The following GALNTL6 variants were observed in gnomAD, a reference collection of about 807,000 sequenced individuals.
GALNTL6 encodes polypeptide N-acetylgalactosaminyltransferase-like 6.
In GALNTL6, 46 loss-of-function variants were observed where a neutral mutation model predicts 73.7. That is an observed-to-expected ratio of 0.62 (90% confidence interval 0.49 to 0.80). GALNTL6 has a LOEUF of 0.80. GALNTL6 is among the 30% of genes least tolerant of loss of function. The probability of loss-of-function intolerance (pLI) is 0.00; values close to 1 mark genes in which losing one functional copy is unlikely to be tolerated. For missense variants in GALNTL6, 604 were observed against 755.0 expected, an observed-to-expected ratio of 0.80 and a Z score of 2.34; for synonymous variants, 259 against 263.7, an observed-to-expected ratio of 0.98 and a Z score of 0.17.
At chr4:172,277,681 CT>C (rs1260701612) in intron 3 of GALNTL6, among the ~76,000 whole-genome samples, 1 of 152,132 alleles carries the variant, frequency 6.6e-6, no homozygotes, top group Admixed American at 6.6e-5. Context: ...CTCTGTATGG[CT>C]GCACCTGCCT....
chr4:172,147,688 G>C (rs1733963459), intron 2 of GALNTL6, among the ~76,000 whole-genome samples: 2 of 152,100 alleles, frequency 1.3e-5, no homozygotes. Context: ...TGGAAAAATA[G>C]AATAGACAGT....
chr4:172,363,629 A>T (rs1454991951), intron 5 of GALNTL6, among the ~76,000 whole-genome samples: 1 of 152,122 alleles, frequency 6.6e-6, no homozygotes. Context: ...TTTGACTGTG[A>T]GTTTATATCT....
intron 2 of GALNTL6, among the ~76,000 whole-genome samples, chr4:171,921,888 G>C (rs889154770): frequency 6.6e-6 from 1 of 151,908 alleles, no homozygotes; most frequent in African/African-American, 2.4e-5. Flanking sequence ...TATTTGCTTA[G>C]AGAACACAAA....
At chr4:172,256,787 G>T (rs1251099561) in intron 3 of GALNTL6, among the ~76,000 whole-genome samples, 2 of 151,306 alleles carry the variant, frequency 1.3e-5, no homozygotes, top group Non-Finnish European at 3.0e-5. Flanking sequence ...TTTTCTAATA[G>T]ATGTTAATTA....
chr4:172,408,231 G>T lies in GALNTL6; in HGVS notation c.553+59542G>T, dbSNP rs1176761539. Among the ~76,000 whole-genome samples, 3 of 151,950 alleles carry T rather than the reference G, an allele frequency of 2.0e-5. No homozygotes were observed. In the East Asian group the frequency reaches 5.8e-4, roughly 29 times the overall value. On this transcript the variant is annotated intron_variant, in intron 5 of 12. Transcript: ENST00000506823. ...CATTAAAGCAAAATCTCTATATACA[G>T]AATCCATTCGAGTGCTATCATTTGT...
Position 171,850,132 on chromosome 4 carries a change from A to G in GALNTL6, c.138+35414A>G, listed in dbSNP as rs116660298. 7.0e-3 allele frequency among the ~76,000 whole-genome samples: 1,066 copies of G among 152,246 alleles called. 5 individuals carry two copies. The highest frequency in any genetic ancestry group is 0.02 in the Middle Eastern group (6 of 294). ...AGGCGCGTGCCAACACACTGGGCTA[A>G]TTTTTGTATTTGTATTTTTAGTAGA... On this transcript the variant is annotated intron_variant, in intron 2 of 12. Coordinates refer to ENST00000506823, the MANE Select transcript of GALNTL6 (RefSeq NM_001034845.3).
chr4:171,903,749 A>T (rs1477035544), intron 2 of GALNTL6, among the ~76,000 whole-genome samples: 15 of 152,118 alleles, frequency 9.9e-5, no homozygotes, highest in Non-Finnish European at 2.2e-4. Context: ...TCCCCGTCTG[A>T]CAGCTTTGAA....
At chr4:171,967,391 T>C (rs1739414821) in intron 2 of GALNTL6, among the ~76,000 whole-genome samples, 1 of 151,492 alleles carries the variant, frequency 6.6e-6, no homozygotes, top group South Asian at 2.1e-4. Context: ...TCATTGGCTT[T>C]TAACATCAAC....
At chr4:172,994,266 G>A (rs1751676379) in intron 10 of GALNTL6, among the ~76,000 whole-genome samples, 1 of 152,156 alleles carries the variant, frequency 6.6e-6, no homozygotes, top group South Asian at 2.1e-4. Flanking sequence ...TTCCCTATCA[G>A]TTTTGCATGA....
Position 171,966,904 on chromosome 4 carries a change from TA to T in GALNTL6, c.138+152192del, listed in dbSNP as rs549950472. Among the ~76,000 whole-genome samples the T allele has an allele frequency of 2.0e-5, 3 of 152,126 alleles. No homozygotes were observed. In the South Asian group the frequency reaches 6.2e-4, roughly 32 times the overall value. Reference sequence around the variant, plus strand: ...TTGTTGTTGTACTTTAATTAATTATTAAAAAATAAGCAATCTTGAGAAATTA... The same window carrying T: ...TTGTTGTTGTACTTTAATTAATTATTAAAAATAAGCAATCTTGAGAAATTA... On this transcript the variant is annotated intron_variant, in intron 2 of 12. Transcript: ENST00000506823.
At chr4:172,856,344 TTTA>T (rs762491841) in intron 7 of GALNTL6, among the ~76,000 whole-genome samples, 1 of 152,198 alleles carries the variant, frequency 6.6e-6, no homozygotes, top group Non-Finnish European at 1.5e-5. Flanking sequence ...GAAAAATTGT[TTTA>T]GTATAACCTT....
intron 3 of GALNTL6, among the ~76,000 whole-genome samples, chr4:172,277,031 C>A (rs1222454160): frequency 5.3e-5 from 8 of 151,818 alleles, no homozygotes; most frequent in Non-Finnish European, 1.2e-4. Context: ...TGGATTTTTT[C>A]TTTCTTCTGT....
At chr4:172,733,635 G>T (rs1342031919) in intron 5 of GALNTL6, among the ~76,000 whole-genome samples, 1 of 152,194 alleles carries the variant, frequency 6.6e-6, no homozygotes, top group Admixed American at 6.5e-5. Context: ...CATAAGGTCT[G>T]ATGGTTTTAT....
chr4:171,903,447 A>T (rs1382772943), intron 2 of GALNTL6, among the ~76,000 whole-genome samples: 11 of 152,170 alleles, frequency 7.2e-5, no homozygotes, highest in Non-Finnish European at 1.5e-5. Context: ...GGCTTAAAAA[A>T]CGGCACACCA....
In GALNTL6 at chr4:172,599,797, G is replaced by C. The variant is rs371023055; in HGVS notation, c.554-209564G>C. ...TAAAAGTAAGGGGAAAACCTTCAAT[G>C]ACTTTTGTACCAACGAGTCATAGAA... On this transcript the variant is annotated intron_variant, in intron 5 of 12. Coordinates refer to ENST00000506823, the MANE Select transcript of GALNTL6 (RefSeq NM_001034845.3). Among the ~76,000 whole-genome samples the C allele has an allele frequency of 1.5e-4, 23 of 152,080 alleles. 1 individual carries two copies. The highest frequency in any genetic ancestry group is 1.4e-3 in the East Asian group (7 of 5,158).
chr4:172,644,907 G>A (rs981094147), intron 5 of GALNTL6, among the ~76,000 whole-genome samples: 1 of 151,962 alleles, frequency 6.6e-6, no homozygotes, highest in Non-Finnish European at 1.5e-5. Flanking sequence ...GTGGTGGGTG[G>A]ATGGTAGCAT....
At chr4:172,546,143 G>C (rs1249559464) in intron 5 of GALNTL6, among the ~76,000 whole-genome samples, 1 of 152,094 alleles carries the variant, frequency 6.6e-6, no homozygotes, top group African/African-American at 2.4e-5. Flanking sequence ...ACAAAACCGA[G>C]TCTCCCAGAA....
intron 8 of GALNTL6, among the ~76,000 whole-genome samples, chr4:172,925,347 C>T (rs1247463415): frequency 3.3e-5 from 5 of 152,066 alleles, no homozygotes; most frequent in African/African-American, 2.4e-5. Flanking sequence ...ATTTTAAGAA[C>T]CAGGATGAGG....
chr4:171,940,499 C>T (rs1163160993), intron 2 of GALNTL6, among the ~76,000 whole-genome samples: 1 of 152,004 alleles, frequency 6.6e-6, no homozygotes, highest in Admixed American at 6.6e-5. Flanking sequence ...CAATATTGCT[C>T]TTGCCTTAGA....
Sources: allele counts gnomAD v4.1 joint callset (sites outside exome capture counted in the v4.1 genomes callset), GRCh38; gene constraint gnomAD v4.1.1; transcripts MANE v1.5; gene names NCBI Gene and HGNC (gene_info 2026-07-23, HGNC 2026-07-21).